THADA: variants seen among roughly 807,000 people sequenced by gnomAD.
The protein encoded by THADA is THADA armadillo repeat containing.
In THADA, 213 loss-of-function variants were observed where a neutral mutation model predicts 219.8. The observed-to-expected ratio is 0.97, with a 90% confidence interval of 0.87 to 1.09. The LOEUF is 1.09. Ranked by LOEUF, THADA falls within the 50% of genes least tolerant of loss-of-function variation. THADA has a pLI of 0.00. For missense variants in THADA, 2,956 were observed against 2,311.3 expected, an observed-to-expected ratio of 1.28 and a Z score of -5.72; for synonymous variants, 1,018 against 828.9, an observed-to-expected ratio of 1.23 and a Z score of -3.92.
intron 36 of THADA, among the ~76,000 whole-genome samples, chr2:43,264,805 G>A (rs1671339165): frequency 6.6e-6 from 1 of 152,168 alleles, no homozygotes; most frequent in Non-Finnish European, 1.5e-5. Context: ...GAAGGTCAGC[G>A]CTTTGGAAGA....
intron 21 of THADA, among the ~76,000 whole-genome samples, chr2:43,533,990 T>C (rs1383731223): frequency 5.9e-5 from 9 of 152,154 alleles, no homozygotes; most frequent in East Asian, 1.9e-4. Flanking sequence ...ATTAAAATAA[T>C]AGAGTTTAGT....
chr2:43,313,232 C>T (rs1219700922), intron 31 of THADA, among the ~76,000 whole-genome samples: 1 of 152,184 alleles, frequency 6.6e-6, no homozygotes, highest in African/African-American at 2.4e-5. Flanking sequence ...TACCTAACTT[C>T]CATTATATAA....
intron 20 of THADA, among the ~76,000 whole-genome samples, chr2:43,545,076 A>G (rs1319118973): frequency 6.6e-6 from 1 of 152,176 alleles, no homozygotes; most frequent in Admixed American, 6.5e-5. Context: ...TTGAGTTTTT[A>G]GCATGAAGCG....
intron 30 of THADA, among the ~76,000 whole-genome samples, chr2:43,342,163 C>T (rs990493814): frequency 2.6e-5 from 4 of 152,144 alleles, no homozygotes; most frequent in Non-Finnish European, 4.4e-5. Flanking sequence ...CTACAGTGAG[C>T]CGTGGTAGCG....
intron 29 of THADA, among the ~76,000 whole-genome samples, chr2:43,362,300 C>A (rs1337258471): frequency 6.6e-6 from 1 of 152,130 alleles, no homozygotes; most frequent in Non-Finnish European, 1.5e-5. Context: ...ATTATGGGTG[C>A]ATGTGTTTAA....
intron 7 of THADA, among the ~76,000 whole-genome samples, chr2:43,584,964 G>A (rs1308440115): frequency 1.3e-5 from 2 of 152,158 alleles, no homozygotes; most frequent in African/African-American, 2.4e-5. Flanking sequence ...CACAGTGCAC[G>A]CCAAATACTG....
intron 30 of THADA, among the ~76,000 whole-genome samples, chr2:43,324,568 T>C (rs1679107802): frequency 6.6e-6 from 1 of 152,260 alleles, no homozygotes; most frequent in South Asian, 2.1e-4. Flanking sequence ...ATAACATCCC[T>C]GTCTGGAGTC....
intron 35 of THADA, among the ~76,000 whole-genome samples, chr2:43,286,409 G>A (rs551448701): frequency 5.8e-4 from 88 of 152,248 alleles, no homozygotes; most frequent in African/African-American, 2.1e-3. Flanking sequence ...GTAGAAAAAA[G>A]TTTAGGGGTA....
chr2:43,400,472 T>TATATATATATATATATATATATATATAA (rs1477151044), intron 28 of THADA, among the ~76,000 whole-genome samples: 5 of 144,104 alleles, frequency 3.5e-5, no homozygotes, highest in African/African-American at 7.7e-5. Context: ...TATATATATA[T>TATATATATATATATATATATATATATAA]ATATAAATAT....
chr2:43,245,863 A>G (rs766839349), intron 36 of THADA, among the ~76,000 whole-genome samples: 33 of 152,140 alleles, frequency 2.2e-4, no homozygotes, highest in Non-Finnish European at 3.4e-4. Context: ...AAACTCAAGA[A>G]GATAATGTTT....
chr2:43,589,212 G>A (rs957189733), intron 4 of THADA, among the ~76,000 whole-genome samples: 1 of 152,018 alleles, frequency 6.6e-6, no homozygotes, highest in African/African-American at 2.4e-5. Flanking sequence ...GGCAAGCAGT[G>A]GAAGCAACCC....
At chr2:43,381,526 C>T (rs1672026982) in intron 29 of THADA, among the ~76,000 whole-genome samples, 1 of 151,734 alleles carries the variant, frequency 6.6e-6, no homozygotes, top group Admixed American at 6.6e-5. Flanking sequence ...AGTGGAGAAA[C>T]CTGGCAAACA....
intron 28 of THADA, among the ~76,000 whole-genome samples, chr2:43,419,371 G>A (rs1335543762): frequency 6.6e-6 from 1 of 152,006 alleles, no homozygotes; most frequent in Non-Finnish European, 1.5e-5. Context: ...TGAGGGTGAA[G>A]GTATCCTGAG....
At chr2:43,504,779 G>A (rs530617831) in intron 24 of THADA, among the ~76,000 whole-genome samples, 1 of 152,324 alleles carries the variant, frequency 6.6e-6, no homozygotes, top group African/African-American at 2.4e-5. Flanking sequence ...AGCTACTGAG[G>A]AGGCTGAGGC....
chr2:43,575,249 G>C lies in THADA; in HGVS notation c.1038-222C>G, dbSNP rs565193717. ...AAAAATAATCCAGAAAGCAGTTCAA[G>C]ATCAGCCTAGGCAATATAGTGAAAC... On this transcript the variant is annotated intron_variant, in intron 10 of 37. Transcript: ENST00000405975. Among the ~76,000 whole-genome samples the C allele has an allele frequency of 2.6e-5, 4 of 152,282 alleles. No individual in the cohort carries two copies. In the South Asian group the frequency reaches 8.3e-4, roughly 32 times the overall value.
chr2:43,357,696 T>C (rs73923585), intron 29 of THADA, among the ~76,000 whole-genome samples: 15 of 152,306 alleles, frequency 9.8e-5, no homozygotes, highest in African/African-American at 3.4e-4. Context: ...AACTGTACAG[T>C]CATTATAAAG....
intron 28 of THADA, among the ~76,000 whole-genome samples, chr2:43,402,068 C>A (rs1211208813): frequency 6.6e-6 from 1 of 152,090 alleles, no homozygotes; most frequent in African/African-American, 2.4e-5. Context: ...GTTTCAGGTT[C>A]GTGACACACA....
At chr2:43,528,187 G>C (rs953076684) in intron 21 of THADA, among the ~76,000 whole-genome samples, 199 bp from the exon 22 acceptor site, 3 of 138,906 alleles carry the variant, frequency 2.2e-5, no homozygotes, top group African/African-American at 8.4e-5. Flanking sequence ...CTGGAGTGCA[G>C]TGGCACAGTC....
In THADA at chr2:43,292,129, T is replaced by C. The variant is rs1450095520; in HGVS notation, c.4912A>G (p.Thr1638Ala). ...HLTPKEFLIW[T>A]MDIASNERSE... ...CTTTCATTGGAAGCAATATCCATCGTCCAGATCAAGAACTCCTTTGGGGTC... is the reference window on the plus strand; with the variant it reads ...CTTTCATTGGAAGCAATATCCATCGCCCAGATCAAGAACTCCTTTGGGGTC... Residue 1638 changes from threonine to alanine, a missense_variant, in exon 33 of 38, where the codon ACG becomes GCG. Transcript: ENST00000405975. The C allele has an allele frequency of 6.2e-7, 1 of 1,610,244 alleles. No homozygotes were observed. The highest frequency in any genetic ancestry group is 1.1e-5 in the South Asian group (1 of 89,970).
Sources: gnomAD v4.1 joint callset for allele counts (sites outside exome capture counted in the v4.1 genomes callset) on GRCh38, gnomAD v4.1.1 for gene constraint, MANE v1.5 for transcripts, NCBI Gene and HGNC (gene_info 2026-07-23, HGNC 2026-07-21) for gene names.